The following GPC5 variants were observed in gnomAD, a reference collection of about 807,000 sequenced individuals.
GPC5 encodes glypican 5.
A neutral mutation model predicts 53.9 loss-of-function variants in GPC5; 47 were observed. The observed-to-expected ratio is 0.87, with a 90% CI of 0.69 to 1.11. GPC5 has a LOEUF of 1.11. GPC5 is among the 50% of genes most tolerant of loss of function. The pLI, the probability that GPC5 is intolerant of heterozygous loss-of-function variation, is 0.00. For missense variants in GPC5, 748 were observed against 713.1 expected (o/e 1.05, Z -0.56); for synonymous variants, 286 against 263.3 (o/e 1.09, Z -0.84).
intron 7 of GPC5, among the ~76,000 whole-genome samples, chr13:92,799,991 T>C (rs1182815951): frequency 6.6e-6 from 1 of 151,830 alleles, no homozygotes; most frequent in Non-Finnish European, 1.5e-5. Flanking sequence ...TTACTATCAA[T>C]TCCAGTTTCA....
chr13:92,594,339 C>T (rs987548392), intron 7 of GPC5, among the ~76,000 whole-genome samples: 4 of 152,180 alleles, frequency 2.6e-5, no homozygotes, highest in Non-Finnish European at 1.5e-5. Flanking sequence ...TTAAAAGGCT[C>T]TGAACATGGG....
chr13:91,880,146 A>C (rs1170128675), intron 5 of GPC5, among the ~76,000 whole-genome samples: 1 of 152,070 alleles, frequency 6.6e-6, no homozygotes, highest in Non-Finnish European at 1.5e-5. Flanking sequence ...GTTTCTTGCA[A>C]AAATTGATAC....
At chr13:92,132,021 A>G (rs956642009) in intron 6 of GPC5, among the ~76,000 whole-genome samples, 4 of 152,122 alleles carry the variant, frequency 2.6e-5, no homozygotes, top group Admixed American at 2.0e-4. Context: ...TCAATTGTCC[A>G]CCAAGGGCAG....
intron 7 of GPC5, among the ~76,000 whole-genome samples, chr13:92,512,113 A>C (rs1880588352): frequency 6.6e-6 from 1 of 152,172 alleles, no homozygotes; most frequent in Non-Finnish European, 1.5e-5. Context: ...CATCCATGAG[A>C]TATTGATGAT....
intron 7 of GPC5, among the ~76,000 whole-genome samples, chr13:92,582,328 T>C (rs936271669): frequency 5.3e-5 from 8 of 152,168 alleles, no homozygotes; most frequent in African/African-American, 1.7e-4. Flanking sequence ...GTGTTTTTGG[T>C]ACCTTTATTG....
chr13:92,575,703 T>C (rs780051397), intron 7 of GPC5, among the ~76,000 whole-genome samples: 18 of 152,196 alleles, frequency 1.2e-4, no homozygotes, highest in Non-Finnish European at 2.4e-4. Flanking sequence ...CTCTCAGCAC[T>C]GCTGTGTCTT....
chr13:92,368,651 A>AAC (rs2043625675), intron 7 of GPC5, among the ~76,000 whole-genome samples: 1 of 151,464 alleles, frequency 6.6e-6, no homozygotes, highest in Admixed American at 6.6e-5. Flanking sequence ...AAAAAAAAAA[A>AAC]AAAAAAAAAC....
chr13:92,463,402 T>C (rs1026083970), intron 7 of GPC5, among the ~76,000 whole-genome samples: 3 of 152,182 alleles, frequency 2.0e-5, no homozygotes, highest in African/African-American at 7.2e-5. Context: ...CCTTTTTCAG[T>C]CTCATTTTCC....
chr13:91,875,397 T>C (rs185985911), intron 5 of GPC5, among the ~76,000 whole-genome samples: 19 of 152,314 alleles, frequency 1.2e-4, no homozygotes, highest in Admixed American at 7.2e-4. Flanking sequence ...ACGCTTAAGA[T>C]GATATATTTT....
At chr13:92,865,207 G>A (rs1031772493) in intron 7 of GPC5, among the ~76,000 whole-genome samples, 2 of 152,072 alleles carry the variant, frequency 1.3e-5, no homozygotes, top group Admixed American at 6.6e-5. Flanking sequence ...ACCAGAATGC[G>A]ACTGGATCTT....
intron 7 of GPC5, among the ~76,000 whole-genome samples, chr13:92,404,025 T>A (rs1001334452): frequency 7.9e-5 from 12 of 152,334 alleles, no homozygotes; most frequent in African/African-American, 2.9e-4. Context: ...ATATGAGTTT[T>A]CCAAATAGAA....
intron 7 of GPC5, among the ~76,000 whole-genome samples, chr13:92,268,196 T>C (rs756563601): frequency 2.0e-4 from 30 of 152,094 alleles, no homozygotes; most frequent in Non-Finnish European, 3.8e-4. Context: ...GCTCACTGTA[T>C]TTTAATTACT....
chr13:92,663,901 T>TACAC (rs1886477210), intron 7 of GPC5, among the ~76,000 whole-genome samples: 14 of 35,238 alleles, frequency 4.0e-4, no homozygotes, highest in African/African-American at 1.1e-3. Context: ...TATATATATA[T>TACAC]ATACACACAC....
At chr13:92,623,979 C>T (rs1309484450) in intron 7 of GPC5, among the ~76,000 whole-genome samples, 2 of 151,950 alleles carry the variant, frequency 1.3e-5, no homozygotes, top group East Asian at 3.9e-4. Context: ...CTTAGCCTCC[C>T]AAGTAGCTGG....
rs1033813863 is a variant in GPC5 at position 91,633,183 on chromosome 13, C to A, written c.326-60004C>A. 2.0e-5 allele frequency among the ~76,000 whole-genome samples: 3 copies of A among 152,136 alleles called. No homozygotes were observed. The East Asian group carries it at 5.8e-4, about 29-fold the overall frequency. On this transcript the variant is annotated intron_variant, in intron 2 of 7. Coordinates refer to ENST00000377067, the MANE Select transcript of GPC5 (RefSeq NM_004466.6). Reference sequence around the variant, plus strand: ...GACAGTGGACATAGATGAATTTCCTCCTTCAGTGTTGCAAATGCTAAGGGC... The same window carrying A: ...GACAGTGGACATAGATGAATTTCCTACTTCAGTGTTGCAAATGCTAAGGGC...
intron 2 of GPC5, among the ~76,000 whole-genome samples, chr13:91,590,105 T>G (rs1316562809): frequency 6.6e-6 from 1 of 151,696 alleles, no homozygotes; most frequent in Admixed American, 6.6e-5. Flanking sequence ...CTCAAACTGC[T>G]ATTTATTTGC....
intron 7 of GPC5, among the ~76,000 whole-genome samples, chr13:92,682,008 A>G (rs1214955449): frequency 6.6e-6 from 1 of 152,206 alleles, no homozygotes; most frequent in Non-Finnish European, 1.5e-5. Context: ...TGGCTTTGAG[A>G]AACTTGAGGG....
chr13:91,823,959 T>C (rs1284406345), intron 5 of GPC5, among the ~76,000 whole-genome samples: 1 of 152,096 alleles, frequency 6.6e-6, no homozygotes, highest in Non-Finnish European at 1.5e-5. Flanking sequence ...ATATGGTTGG[T>C]GTTGTGCATT....
intron 5 of GPC5, among the ~76,000 whole-genome samples, chr13:91,898,722 C>T (rs530308625): frequency 3.9e-5 from 6 of 151,914 alleles, no homozygotes; most frequent in African/African-American, 1.4e-4. Flanking sequence ...AAGATGAATG[C>T]CAAGTACTAT....
Sources: gnomAD v4.1 joint callset for allele counts (sites outside exome capture counted in the v4.1 genomes callset) on GRCh38, gnomAD v4.1.1 for gene constraint, MANE v1.5 for transcripts, NCBI Gene and HGNC (gene_info 2026-07-23, HGNC 2026-07-21) for gene names.